FKTN: variants seen among roughly 807,000 people sequenced by gnomAD.
The protein encoded by FKTN is fukutin, also known as ribitol-5-phosphate transferase FKTN.
FKTN carries 47 observed loss-of-function variants against 58.6 expected under a neutral mutation model. The ratio of observed to expected loss-of-function variants is 0.80; its 90% confidence interval spans 0.63 to 1.02. The LOEUF (loss-of-function observed/expected upper bound fraction) is 1.02, where lower values mean the gene tolerates loss of function less well. FKTN is among the 50% of genes least tolerant of loss of function. The pLI is 0.00. For missense variants in FKTN, 516 were observed against 537.3 expected (o/e 0.96, Z 0.39); for synonymous variants, 178 against 191.9 (o/e 0.93, Z 0.60).
intron 6 of FKTN, among the ~76,000 whole-genome samples, chr9:105,605,710 T>C (rs980432881): frequency 6.6e-6 from 1 of 152,036 alleles, no homozygotes; most frequent in Non-Finnish European, 1.5e-5. Context: ...CTCATGGAGA[T>C]AGAGAGTAGA....
intron 7 of FKTN, among the ~76,000 whole-genome samples, chr9:105,608,678 A>G (rs1829348682): frequency 6.6e-6 from 1 of 152,226 alleles, no homozygotes; most frequent in South Asian, 2.1e-4. Context: ...ACGAAAATGA[A>G]GTATATAACT....
chr9:105,594,655 A>C (rs960671708), intron 3 of FKTN, among the ~76,000 whole-genome samples: 1 of 152,208 alleles, frequency 6.6e-6, no homozygotes, highest in African/African-American at 2.4e-5. Flanking sequence ...CTGAGGTAGG[A>C]GTATCACTTG....
At chr9:105,613,465 A>T (rs10816283) in intron 7 of FKTN, among the ~76,000 whole-genome samples, 1 of 152,132 alleles carries the variant, frequency 6.6e-6, no homozygotes, top group East Asian at 1.9e-4. Flanking sequence ...TCCATCCAGG[A>T]TCTATATTCT....
intron 3 of FKTN, among the ~76,000 whole-genome samples, chr9:105,594,339 T>C (rs1826348636): frequency 6.6e-6 from 1 of 151,998 alleles, no homozygotes. Flanking sequence ...AAAGATAGGA[T>C]AGGGAGGTGT....
intron 5 of FKTN, chr9:105,603,814 C>G (rs949722945): frequency 3.2e-5 from 9 of 281,778 alleles, no homozygotes; most frequent in African/African-American, 2.0e-4. Flanking sequence ...GCTGGGACTA[C>G]AGGTACATGC....
chr9:105,620,471 T>A (rs1011636074), intron 10 of FKTN, among the ~76,000 whole-genome samples: 1 of 152,234 alleles, frequency 6.6e-6, no homozygotes, highest in African/African-American at 2.4e-5. Context: ...TGTCAGGCAC[T>A]ATTCTGAACG....
intron 4 of FKTN, among the ~76,000 whole-genome samples, chr9:105,600,624 G>A (rs1291980920): frequency 2.0e-5 from 3 of 152,118 alleles, no homozygotes; most frequent in African/African-American, 7.2e-5. Flanking sequence ...TTTGGTCTGA[G>A]TCTTTTGCTT....
intron 3 of FKTN, among the ~76,000 whole-genome samples, chr9:105,579,203 G>C (rs1842374632): frequency 6.6e-6 from 1 of 152,240 alleles, no homozygotes; most frequent in South Asian, 2.1e-4. Context: ...CTTGCCTTCT[G>C]TTAGCTTTTG....
chr9:105,564,722 T>C (rs1279010869), intron 1 of FKTN, among the ~76,000 whole-genome samples: 3 of 152,190 alleles, frequency 2.0e-5, no homozygotes, highest in South Asian at 2.1e-4. Context: ...GGAAAGTACT[T>C]TGCAGGATAT....
intron 10 of FKTN, among the ~76,000 whole-genome samples, chr9:105,634,065 G>A (rs952111612): frequency 6.6e-6 from 1 of 151,932 alleles, no homozygotes; most frequent in African/African-American, 2.4e-5. Flanking sequence ...TTCTTTTCTA[G>A]TATACATAAT....
chr9:105,607,295 G>T (rs1341303188), intron 6 of FKTN, among the ~76,000 whole-genome samples: 1 of 151,944 alleles, frequency 6.6e-6, no homozygotes, highest in African/African-American at 2.4e-5. Context: ...TGTCTTAAGT[G>T]TTAAAAACAT....
chr9:105,637,068 T>C lies in FKTN; in HGVS notation c.*1804T>C, dbSNP rs962859042. On this transcript the variant is annotated 3_prime_UTR_variant, in exon 11 of 11. Coordinates refer to ENST00000357998, the MANE Select transcript of FKTN (RefSeq NM_001079802.2). ...CTAGAAAATCAGCCCATAGAGTGCA[T>C]TCCCAAATTCTAAATAGCTGACCCT... is the stretch of plus-strand genomic sequence containing the variant. The C allele has an allele frequency of 1.0e-6, 1 of 988,168 alleles. No homozygotes were observed. The highest frequency in any genetic ancestry group is 1.7e-5 in the African/African-American group (1 of 57,352). The allele number at this position is 988,168 out of a possible 1,614,324, so 61.2% of individuals were successfully genotyped here.
chr9:105,635,358 A>G lies in FKTN; in HGVS notation c.*94A>G. ...GTCTATTTGTCAAACATAAGTGGGAACCAAAGAAAAAATGTGACAAGTTTG... is the reference window on the plus strand; with the variant it reads ...GTCTATTTGTCAAACATAAGTGGGAGCCAAAGAAAAAATGTGACAAGTTTG... On this transcript the variant is annotated 3_prime_UTR_variant, in exon 11 of 11. Transcript: ENST00000357998. 2 of 1,573,392 alleles carry G rather than the reference A, an allele frequency of 1.3e-6. No homozygotes were observed. Among genetic ancestry groups the G allele is most frequent in the Non-Finnish European group, 1.7e-6 (2 of 1,160,250 alleles).
chr9:105,581,046 G>A (rs1842782491), intron 3 of FKTN, among the ~76,000 whole-genome samples: 1 of 146,906 alleles, frequency 6.8e-6, no homozygotes, highest in Admixed American at 6.7e-5. Context: ...CTCTGTATTG[G>A]TTATTCTAGT....
intron 4 of FKTN, among the ~76,000 whole-genome samples, chr9:105,598,886 C>G (rs995539436): frequency 6.6e-6 from 1 of 151,962 alleles, no homozygotes; most frequent in Non-Finnish European, 1.5e-5. Flanking sequence ...CCATTTCTTT[C>G]TTGTTTTTTT....
intron 2 of FKTN, 69 bp downstream of exon 2, chr9:105,573,815 A>C (rs1178664836): frequency 6.6e-6 from 1 of 152,234 alleles, no homozygotes; most frequent in African/African-American, 2.4e-5. Flanking sequence ...GGTTTGGGAA[A>C]TCAGATATTG....
At chr9:105,617,904 TAAC>T in intron 8 of FKTN, 52 bp from the exon 9 acceptor site, 1 of 1,090,542 alleles carries the variant, frequency 9.2e-7, no homozygotes, top group South Asian at 1.4e-5. Context: ...TTTGTTATAA[TAAC>T]TAATTTTTTC....
At chr9:105,568,120 A>C (rs1345438290) in intron 1 of FKTN, among the ~76,000 whole-genome samples, 2 of 152,196 alleles carry the variant, frequency 1.3e-5, no homozygotes, top group Admixed American at 1.3e-4. Context: ...TCCCTTCCTT[A>C]CACCTTATAC....
In FKTN at chr9:105,604,512, G is replaced by A. The variant is rs369467614; in HGVS notation, c.647+20G>A. 38 of 1,591,354 alleles carry A rather than the reference G, an allele frequency of 2.4e-5. No homozygotes were observed. Among genetic ancestry groups the A allele is most frequent in the Middle Eastern group, 1.7e-4 (1 of 6,034 alleles). On this transcript the variant is annotated intron_variant, in intron 6 of 10. Coordinates refer to ENST00000357998, the MANE Select transcript of FKTN (RefSeq NM_001079802.2). ...TGACAGGTAAGTTCAGAGTCAAAAC[G>A]TGAAATGTGAAATGAGTGTTGTTCA... is the stretch of plus-strand genomic sequence containing the variant.
Sources: gnomAD v4.1 joint callset for allele counts (sites outside exome capture counted in the v4.1 genomes callset) on GRCh38, gnomAD v4.1.1 for gene constraint, MANE v1.5 for transcripts, NCBI Gene and HGNC (gene_info 2026-07-23, HGNC 2026-07-21) for gene names.